The following PPP1R14D variants were observed in gnomAD, a reference collection of about 807,000 sequenced individuals.
PPP1R14D encodes protein phosphatase 1 regulatory inhibitor subunit 14D, also known as protein phosphatase 1 regulatory subunit 14D.
In PPP1R14D, 14 loss-of-function variants were observed where a neutral mutation model predicts 17.1. The ratio of observed to expected loss-of-function variants is 0.82; its 90% confidence interval spans 0.54 to 1.28. The LOEUF is 1.28. PPP1R14D is among the 50% of genes most tolerant of loss of function. The pLI is 0.00. For missense variants in PPP1R14D, 173 were observed against 179.2 expected (o/e 0.97, Z 0.20); for synonymous variants, 67 against 66.1 (o/e 1.01, Z -0.06).
intron 1 of PPP1R14D, among the ~76,000 whole-genome samples, chr15:40,822,625 A>C (rs1226894427): frequency 1.3e-5 from 2 of 150,780 alleles, no homozygotes; most frequent in Non-Finnish European, 3.0e-5. Flanking sequence ...TAATTTTTGC[A>C]TTTTTTTAGG....
chr15:40,816,372 T>G, intron 1 of PPP1R14D, 119 bp from the exon 2 acceptor site: 1 of 783,510 alleles, frequency 1.3e-6, no homozygotes. Context: ...TTCTCCTCAC[T>G]CAGAACACCC....
intron 1 of PPP1R14D, among the ~76,000 whole-genome samples, chr15:40,827,402 G>A (rs1214754614): frequency 6.6e-6 from 1 of 152,174 alleles, no homozygotes; most frequent in Admixed American, 6.5e-5. Flanking sequence ...CAGCTACTCG[G>A]GAGGCTGAGG....
Position 40,828,703 on chromosome 15 carries a change from G to C in PPP1R14D, c.-62C>G. On this transcript the variant is annotated 5_prime_UTR_variant, in exon 1 of 4. Transcript: ENST00000299174. The stretch of plus-strand genomic sequence containing the variant: ...GCCAGTTCTGAGCAGAGCCACAGAG[G>C]GAAGTGAGGAGACAGAGAACAGGAG... 1 of 1,523,124 alleles carries C rather than the reference G, an allele frequency of 6.6e-7. No individual in the cohort carries two copies. 94.4% of individuals were successfully genotyped at this position (1,523,124 alleles called of 1,614,324 possible).
chr15:40,820,495 C>T (rs901472034), intron 1 of PPP1R14D, among the ~76,000 whole-genome samples: 19 of 151,794 alleles, frequency 1.3e-4, no homozygotes, highest in Admixed American at 9.2e-4. Context: ...CCAGAAAAGA[C>T]ATAAATGATA....
intron 1 of PPP1R14D, among the ~76,000 whole-genome samples, chr15:40,827,439 C>T (rs941881441): frequency 6.6e-6 from 1 of 152,082 alleles, no homozygotes; most frequent in East Asian, 1.9e-4. Context: ...ACTTGGGAGG[C>T]GGAGGTTGCA....
At chr15:40,823,990 C>T (rs1890828295) in intron 1 of PPP1R14D, among the ~76,000 whole-genome samples, 1 of 143,764 alleles carries the variant, frequency 7.0e-6, no homozygotes, top group African/African-American at 2.7e-5. Context: ...AAGACTCCAT[C>T]TCCATTAAAA....
chr15:40,815,883 T>C, intron 3 of PPP1R14D, 79 bp downstream of exon 3: 2 of 1,576,020 alleles, frequency 1.3e-6, no homozygotes, highest in Non-Finnish European at 1.7e-6. Flanking sequence ...AGCCAAGCCT[T>C]CCCTTCAAAT....
At chr15:40,825,493 C>G (rs1890856106) in intron 1 of PPP1R14D, among the ~76,000 whole-genome samples, 1 of 152,150 alleles carries the variant, frequency 6.6e-6, no homozygotes, top group African/African-American at 2.4e-5. Flanking sequence ...GACCCCACAC[C>G]AGGCTGCACA....
intron 1 of PPP1R14D, among the ~76,000 whole-genome samples, chr15:40,825,775 T>G (rs2141989740): frequency 6.6e-6 from 1 of 152,242 alleles, no homozygotes; most frequent in South Asian, 2.1e-4. Context: ...AGAGCAGGGA[T>G]TGGGAGAGAA....
chr15:40,816,138 G>GA (rs746069131), intron 2 of PPP1R14D, 32 bp downstream of exon 2: 1 of 1,609,832 alleles, frequency 6.2e-7, no homozygotes, highest in East Asian at 2.2e-5. Flanking sequence ...GGTTCCCACT[G>GA]ACCCAAGGCC....
At chr15:40,824,558 A>G (rs573405336) in intron 1 of PPP1R14D, among the ~76,000 whole-genome samples, 2 of 152,004 alleles carry the variant, frequency 1.3e-5, no homozygotes, top group Admixed American at 1.3e-4. Context: ...TTTTTTGGAC[A>G]GGGTTTCACC....
Position 40,828,439 on chromosome 15 carries a change from C to T in PPP1R14D, c.203G>A (p.Arg68His), listed in dbSNP as rs778473804. The change falls in exon 1 of 4, where the codon CGC becomes CAC. Residue 68 changes from arginine to histidine, a missense_variant. Transcript: ENST00000299174. ...CACCCATTGCTCCATCTCCAGCCAG[C>T]GCTGGAGCTGGCCCCGGTCATACTT... ...TVKYDRGQLQ[R>H]WLEMEQWVDA... 3.7e-6 allele frequency: 6 copies of T among 1,613,734 alleles called. No individual in the cohort carries two copies. The highest frequency in any genetic ancestry group is 2.2e-5 in the East Asian group (1 of 44,870).
intron 1 of PPP1R14D, among the ~76,000 whole-genome samples, chr15:40,826,526 G>C (rs1317772775): frequency 6.6e-6 from 1 of 151,976 alleles, no homozygotes; most frequent in Non-Finnish European, 1.5e-5. Context: ...CAGGGCATCT[G>C]TTTTTTTTCT....
intron 1 of PPP1R14D, among the ~76,000 whole-genome samples, chr15:40,825,031 C>A (rs1268148893): frequency 1.3e-5 from 2 of 152,008 alleles, no homozygotes; most frequent in African/African-American, 4.8e-5. Context: ...TTCCTGTAAT[C>A]CCAGCACTTT....
rs369422264 is a variant in PPP1R14D, at chr15:40,820,852, C to A, written c.256-4599G>T. 8.3e-4 allele frequency among the ~76,000 whole-genome samples: 125 copies of A among 150,088 alleles called. 3 individuals are homozygous for A. In the South Asian group the frequency reaches 0.018, roughly 22 times the overall value. On this transcript the variant is annotated intron_variant, in intron 1 of 3. Coordinates refer to ENST00000299174, the MANE Select transcript of PPP1R14D (RefSeq NM_017726.8). ...CTCCAGCCAGGGTGACAGAGCAAGA[C>A]TCTGTCTCAAAATAAAATAAAAATA...
At chr15:40,822,881 C>T (rs559227882) in intron 1 of PPP1R14D, among the ~76,000 whole-genome samples, 10 of 151,948 alleles carry the variant, frequency 6.6e-5, no homozygotes, top group Non-Finnish European at 1.5e-4. Context: ...TCACTGCAGC[C>T]TCAACCTCCC....
rs376963880 is a variant in PPP1R14D, at chr15:40,815,944, C to G, written c.372+18G>C. 11 of 1,613,806 alleles carry G rather than the reference C, an allele frequency of 6.8e-6. No homozygotes were observed. In the African/African-American group the frequency reaches 9.3e-5, roughly 14 times the overall value. On this transcript the variant is annotated intron_variant, in intron 3 of 3. Coordinates refer to ENST00000299174, the MANE Select transcript of PPP1R14D (RefSeq NM_017726.8). Reference sequence around the variant, plus strand: ...TGGGCCTCCTCTTACCCCAGACCAGCAGAAGAACATCCCTTACCTCTGTGG... The same window carrying G: ...TGGGCCTCCTCTTACCCCAGACCAGGAGAAGAACATCCCTTACCTCTGTGG...
At chr15:40,816,470 C>T (rs1329204272) in intron 1 of PPP1R14D, among the ~76,000 whole-genome samples, 3 of 151,938 alleles carry the variant, frequency 2.0e-5, no homozygotes, top group African/African-American at 7.2e-5. Flanking sequence ...CCCAGCACTT[C>T]GGGAGGCCGA....
Position 40,815,623 on chromosome 15 carries a change from C to T in PPP1R14D, c.*73G>A, listed in dbSNP as rs1324697907. 6.4e-7 allele frequency: 1 copy of T among 1,550,488 alleles called. No individual in the cohort carries two copies. The highest frequency in any genetic ancestry group is 8.8e-7 in the Non-Finnish European group (1 of 1,137,930). On this transcript the variant is annotated 3_prime_UTR_variant, in exon 4 of 4. Transcript: ENST00000299174. ...TTGTTTGTGTCCCAAGGAGCTATTT[C>T]CCTCTTAGCCAGGATCTGGAGTTTC...
Sources: gnomAD v4.1 joint callset for allele counts (sites outside exome capture counted in the v4.1 genomes callset) on GRCh38, gnomAD v4.1.1 for gene constraint, MANE v1.5 for transcripts, NCBI Gene and HGNC (gene_info 2026-07-23, HGNC 2026-07-21) for gene names.